Variants in UNC79 observed in about 807,000 individuals in gnomAD.
The protein encoded by UNC79 is protein unc-79 homolog.
UNC79 carries 37 observed loss-of-function variants against 283.1 expected under a neutral mutation model. The ratio of observed to expected loss-of-function variants is 0.13; its 90% CI spans 0.10 to 0.17. UNC79 has a LOEUF of 0.17. Ranked by LOEUF, UNC79 falls within the 10% of genes least tolerant of loss-of-function variation. The pLI, the probability that UNC79 is intolerant of heterozygous loss-of-function variation, is 1.00. For missense variants in UNC79, 2,272 were observed against 3,211.1 expected (o/e 0.71, Z 7.07); for synonymous variants, 1,107 against 1,200.2 (o/e 0.92, Z 1.61).
At chr14:93,462,403 G>C (rs180770718) in intron 1 of UNC79, among the ~76,000 whole-genome samples, 2 of 152,364 alleles carry the variant, frequency 1.3e-5, no homozygotes, top group East Asian at 3.9e-4. Flanking sequence ...CCACACTAAG[G>C]AGGATTTGGG....
chr14:93,637,075 G>C (rs1399998419), intron 31 of UNC79, 141 bp from the exon 35 acceptor site: 5 of 681,422 alleles, frequency 7.3e-6, no homozygotes, highest in African/African-American at 1.8e-5. Flanking sequence ...CTAAAATCTA[G>C]GATGTGTTCT....
At chr14:93,583,920 C>G (rs1396023838) in intron 20 of UNC79, among the ~76,000 whole-genome samples, 5 of 152,030 alleles carry the variant, frequency 3.3e-5, no homozygotes, top group African/African-American at 1.2e-4. Context: ...GTCCTCCCAC[C>G]TCAGCCTCCA....
Position 93,688,995 on chromosome 14 carries a change from G to A in UNC79, c.7085+155G>A, listed in dbSNP as rs980267623. 141 of 783,430 alleles carry A rather than the reference G, an allele frequency of 1.8e-4. No individual in the cohort carries two copies. Among genetic ancestry groups the A allele is most frequent in the Non-Finnish European group, 2.2e-4 (122 of 550,188 alleles). The allele number at this position is 783,430 out of a possible 1,614,324, so 48.5% of individuals were successfully genotyped here. A position where few individuals can be genotyped will look rare whatever the true frequency, so the allele number is the denominator to read the frequency against. On this transcript the variant is annotated intron_variant, in intron 44 of 48. Coordinates refer to ENST00000555664, the Ensembl canonical transcript of UNC79. The surrounding 1 kb of genome is among the most constrained non-coding windows in gnomAD (Gnocchi z 4.0). ...TGGAAATCAGATCCCATCTCCTTAC[G>A]TACTTGCTGACCCAGAATGCTCTTT... is the stretch of plus-strand genomic sequence containing the variant.
chr14:93,668,420 A>C (rs2072453740), intron 40 of UNC79, among the ~76,000 whole-genome samples: 1 of 152,136 alleles, frequency 6.6e-6, no homozygotes, highest in Admixed American at 6.6e-5. Context: ...TCTATTAAGA[A>C]TGTGCAATGG....
At position 93,530,725 on chromosome 14, in the gene UNC79, T is replaced by C. The variant is rs144765401; in HGVS notation, c.1093+1399T>C. On this transcript the variant is annotated intron_variant, in intron 10 of 48. Transcript: ENST00000555664. The stretch of plus-strand genomic sequence containing the variant: ...GAAATCAAGACCATCCTGGCTAACA[T>C]GGTGAAACCCCGTCACTACTAAAAA... Among the ~76,000 whole-genome samples, 395 of 152,148 alleles carry C rather than the reference T, an allele frequency of 2.6e-3. 3 individuals carry two copies. Among genetic ancestry groups the C allele is most frequent in the African/African-American group, 8.7e-3 (360 of 41,516 alleles).
Position 93,404,511 on chromosome 14 carries a change from T to TAA in UNC79, c.-350-63159_-350-63158insAA, listed in dbSNP as rs1555404609. The stretch of plus-strand genomic sequence containing the variant: ...TAAAAAAAATATATATATATATATA[T>TAA]ATAAATATATACATATTATATATTA... On this transcript the variant is annotated intron_variant, in intron 1 of 49. Transcript: ENST00000256339. Among the ~76,000 whole-genome samples the TAA allele has an allele frequency of 1.5e-3, 179 of 117,186 alleles. 9 individuals carry two copies. The highest frequency in any genetic ancestry group is 5.2e-3 in the African/African-American group (167 of 32,342). 76.9% of individuals were successfully genotyped at this position (117,186 alleles called of 152,430 possible).
At chr14:93,701,311 A>T (rs2075514249) in intron 47 of UNC79, among the ~76,000 whole-genome samples, 1 of 152,156 alleles carries the variant, frequency 6.6e-6, no homozygotes, top group Non-Finnish European at 1.5e-5. Context: ...CAGGAGGGTA[A>T]ATCTGGTCTT....
chr14:93,671,196 C>T (rs1304041078), intron 40 of UNC79, among the ~76,000 whole-genome samples: 1 of 152,024 alleles, frequency 6.6e-6, no homozygotes, highest in Non-Finnish European at 1.5e-5. Flanking sequence ...GAAAGATATG[C>T]ACAAGATAAC....
intron 3 of UNC79, among the ~76,000 whole-genome samples, chr14:93,477,269 A>C (rs779958846): frequency 3.9e-5 from 6 of 152,230 alleles, no homozygotes; most frequent in Non-Finnish European, 7.3e-5. Context: ...TATCTTGTGT[A>C]GAATGTAGTA....
intron 47 of UNC79, among the ~76,000 whole-genome samples, chr14:93,698,463 T>C (rs920531648): frequency 1.3e-5 from 2 of 149,892 alleles, no homozygotes; most frequent in African/African-American, 4.9e-5. Flanking sequence ...GTAATATTTT[T>C]AGTTTAGTTT....
At chr14:93,541,611 A>G (rs1294644739) in intron 13 of UNC79, among the ~76,000 whole-genome samples, 1 of 152,222 alleles carries the variant, frequency 6.6e-6, no homozygotes, top group Non-Finnish European at 1.5e-5. Context: ...AACTCTTTGA[A>G]GGCAAGGACA....
intron 5 of UNC79, among the ~76,000 whole-genome samples, chr14:93,490,870 A>T (rs1052243579): frequency 9.2e-5 from 14 of 152,182 alleles, no homozygotes; most frequent in African/African-American, 1.4e-4. Flanking sequence ...TTCCAAAGCC[A>T]CTTCCACATT....
chr14:93,508,208 A>G (rs1290026059), intron 7 of UNC79, among the ~76,000 whole-genome samples: 1 of 151,464 alleles, frequency 6.6e-6, no homozygotes, highest in East Asian at 1.9e-4. Flanking sequence ...TCTGTCGAAA[A>G]AAAAAAAAAC....
intron 20 of UNC79, among the ~76,000 whole-genome samples, chr14:93,584,447 C>A (rs1229072698): frequency 6.6e-6 from 1 of 152,124 alleles, no homozygotes. Flanking sequence ...GAACCCAGGT[C>A]TTCTACTTTA....
intron 1 of UNC79, among the ~76,000 whole-genome samples, chr14:93,343,402 GA>G (rs1321586003): frequency 6.6e-6 from 1 of 152,168 alleles, no homozygotes; most frequent in Non-Finnish European, 1.5e-5. Flanking sequence ...TGCAGAACTT[GA>G]ATATGTTTCC....
chr14:93,640,492 G>T (rs1378547904), intron 32 of UNC79, among the ~76,000 whole-genome samples: 1 of 152,186 alleles, frequency 6.6e-6, no homozygotes, highest in Non-Finnish European at 1.5e-5. Context: ...GCCAGGCATT[G>T]TGGCGTGTGC....
chr14:93,388,137 A>T (rs1273395319), intron 1 of UNC79, among the ~76,000 whole-genome samples: 1 of 149,936 alleles, frequency 6.7e-6, no homozygotes, highest in African/African-American at 2.5e-5. Context: ...TTCGAGTTGG[A>T]GTCTTGCCCT....
At chr14:93,457,881 G>C (rs2056840483) in intron 1 of UNC79, among the ~76,000 whole-genome samples, 1 of 152,172 alleles carries the variant, frequency 6.6e-6, no homozygotes, top group Non-Finnish European at 1.5e-5. Flanking sequence ...CCAATAAGTA[G>C]ATCACTAGTC....
chr14:93,618,096 C>T, intron 28 of UNC79, 96 bp from the exon 30 acceptor site: 2 of 1,336,676 alleles, frequency 1.5e-6, no homozygotes, highest in Non-Finnish European at 1.0e-6. Flanking sequence ...TATTTATCCC[C>T]AAGAGATACT....
Sources: gnomAD v4.1 joint callset for allele counts (sites outside exome capture counted in the v4.1 genomes callset) on GRCh38, gnomAD v4.1.1 for gene constraint, Gnocchi (gnomAD v3.1) non-coding constraint, MANE v1.5 for transcripts, NCBI Gene and HGNC (gene_info 2026-07-23, HGNC 2026-07-21) for gene names.